Variants in CDKL5 observed in about 807,000 individuals in gnomAD.
CDKL5 encodes the protein cyclin-dependent kinase-like 5.
Under a neutral mutation model 61.7 loss-of-function variants are expected in CDKL5, and 8 were observed. The observed-to-expected ratio is 0.13, with a 90% CI of 0.08 to 0.23. The LOEUF (loss-of-function observed/expected upper bound fraction) is 0.23. Among genes scored for constraint, CDKL5 ranks in the 10% least tolerant of loss-of-function variants. The probability of loss-of-function intolerance (pLI) is 1.00; values close to 1 mark genes in which losing one functional copy is unlikely to be tolerated. For synonymous variants in CDKL5, 275 were observed against 272.3 expected (o/e 1.01, Z -0.10); for missense variants, 440 against 734.5 (o/e 0.60, Z 4.63).
At chrX:18,442,396 C>T (rs1040713054) in intron 1 of CDKL5, 3 of 112,174 alleles carry the variant, frequency 2.7e-5, no homozygotes, top group African/African-American at 9.7e-5. Context: ...AACAGGCGAG[C>T]ACATGGTCGT....
At chrX:18,500,112 G>A (rs1922329127) in intron 1 of CDKL5, among the ~76,000 whole-genome samples, 1 of 111,478 alleles carries the variant, frequency 9.0e-6, no homozygotes, top group African/African-American at 3.3e-5. Context: ...GGCTTCAAGT[G>A]AGTGGTGATT....
rs964666191 is a variant in CDKL5, at chrX:18,494,797, ATC to A, written c.-162-12136_-162-12135del. 2.7e-5 allele frequency among the ~76,000 whole-genome samples: 3 copies of A among 112,348 alleles called. No homozygotes were observed. The Admixed American group carries it at 2.8e-4, about 11-fold the overall frequency. On this transcript the variant is annotated intron_variant, in intron 1 of 17. Transcript: ENST00000623535. ...TGTGTATAACTCATGATAATCAAAT[ATC>A]TGTTTGATTTAATAAGGGGGGACTG...
At chrX:18,507,440 T>G (rs941656071) in intron 2 of CDKL5, among the ~76,000 whole-genome samples, 2 of 107,786 alleles carry the variant, frequency 1.9e-5, no homozygotes, top group Non-Finnish European at 3.9e-5. Context: ...AGTCTTTGCC[T>G]TCATTCTTTT....
At chrX:18,519,730 T>C (rs1162680674) in intron 3 of CDKL5, among the ~76,000 whole-genome samples, 2 of 112,024 alleles carry the variant, frequency 1.8e-5, no homozygotes, top group Non-Finnish European at 3.8e-5. Context: ...ACAGTCCTCA[T>C]TGAGATTGTG....
chrX:18,476,248 CTGTGT>C (rs1472972411), intron 1 of CDKL5, among the ~76,000 whole-genome samples: 1 of 111,449 alleles, frequency 9.0e-6, no homozygotes, highest in African/African-American at 3.3e-5. Flanking sequence ...GGGGGTTTCA[CTGTGT>C]TGCCCAGGCT....
intron 7 of CDKL5, 49 bp from the exon 8 acceptor site, chrX:18,584,214 T>A: frequency 1.2e-6 from 1 of 849,005 alleles, no homozygotes; most frequent in Non-Finnish European, 1.8e-6. Flanking sequence ...CCCACATGAA[T>A]TATTATTTCT....
chrX:18,430,698 G>C (rs1895615368), intron 1 of CDKL5, among the ~76,000 whole-genome samples: 1 of 110,440 alleles, frequency 9.1e-6, no homozygotes, highest in Non-Finnish European at 1.9e-5. Context: ...CCCCGCTTCA[G>C]CCTCCCAAAG....
At chrX:18,455,623 C>A (rs1932123728) in intron 1 of CDKL5, among the ~76,000 whole-genome samples, 1 of 112,958 alleles carries the variant, frequency 8.9e-6, no homozygotes, top group South Asian at 3.6e-4. Context: ...TATGGCACTT[C>A]AGTGCACAGT....
At chrX:18,556,882 C>CAAA (rs67362338) in intron 3 of CDKL5, among the ~76,000 whole-genome samples, 479 of 43,942 alleles carry the variant, frequency 0.011, 24 homozygotes, top group African/African-American at 0.035. Context: ...GACTCCGTCT[C>CAAA]AAAAAAAAAA....
rs188738788 is a variant in CDKL5, at chrX:18,615,121, T to G, written c.2276+1846T>G. On this transcript the variant is annotated intron_variant, in intron 15 of 17. Transcript: ENST00000623535. ...CTTTAGTTGAGTCTTCATCAGGTCA[T>G]CCTTATTCTAGTATTGCTGTTATGA... Among the ~76,000 whole-genome samples, 6 of 112,301 alleles carry G rather than the reference T, an allele frequency of 5.3e-5. No individual in the cohort carries two copies. The East Asian group carries it at 1.7e-3, about 32-fold the overall frequency.
At chrX:18,591,207 A>C (rs1925817696) in intron 9 of CDKL5, among the ~76,000 whole-genome samples, 2 of 111,497 alleles carry the variant, frequency 1.8e-5, no homozygotes, top group Non-Finnish European at 3.8e-5. Flanking sequence ...GTATGGAATT[A>C]TTTTGTCTGT....
At position 18,610,558 on chromosome X, in the gene CDKL5, G is replaced by A. The variant is rs1333154665; in HGVS notation, c.2152+988G>A. Reference sequence around the variant, plus strand: ...TTCTCATTGACTAGTACACTGCCTCGCACAGTTTCATAAATATTTGTCAAT... The same window carrying A: ...TTCTCATTGACTAGTACACTGCCTCACACAGTTTCATAAATATTTGTCAAT... On this transcript the variant is annotated intron_variant, in intron 14 of 17. Coordinates refer to ENST00000623535, the MANE Select transcript of CDKL5 (RefSeq NM_001323289.2). Among the ~76,000 whole-genome samples, 4 of 112,313 alleles carry A rather than the reference G, an allele frequency of 3.6e-5. No homozygotes were observed. The East Asian group carries it at 1.1e-3, about 31-fold the overall frequency.
chrX:18,552,459 C>T (rs1267149776), intron 3 of CDKL5, among the ~76,000 whole-genome samples: 1 of 111,701 alleles, frequency 9.0e-6, no homozygotes, highest in Non-Finnish European at 1.9e-5. Flanking sequence ...ACATTGGCAA[C>T]ACAATACAGT....
chrX:18,489,827 G>T (rs765658317), intron 1 of CDKL5, among the ~76,000 whole-genome samples: 3 of 110,182 alleles, frequency 2.7e-5, no homozygotes, highest in Admixed American at 1.9e-4. Context: ...GAGGCGGGAG[G>T]ATCACTGGAG....
chrX:18,467,373 C>A (rs1221108089), intron 1 of CDKL5, among the ~76,000 whole-genome samples: 3 of 111,452 alleles, frequency 2.7e-5, no homozygotes, highest in Admixed American at 1.9e-4. Context: ...GTTATATAAA[C>A]TGCATGCTTT....
Position 18,604,451 on chromosome X carries a change from G to A in CDKL5, c.1527G>A (p.Ala509=), listed in dbSNP as rs369561849. The A allele has an allele frequency of 5.3e-5, 64 of 1,209,724 alleles. No homozygotes were observed. The highest frequency in any genetic ancestry group is 1.2e-4 in the African/African-American group (7 of 57,129). The change falls in exon 12 of 18, where the codon GCG becomes GCA. Residue 509 remains alanine, a synonymous_variant. Coordinates refer to ENST00000623535, the MANE Select transcript of CDKL5 (RefSeq NM_001323289.2). The stretch of plus-strand genomic sequence containing the variant: ...TTTCTGAAGCCAGGGCCCAAATTGC[G>A]GAGCCCAGTACCAGTAGGTACTTCC... ...SNLSEARAQI[A]EPSTSRYFPS...
intron 1 of CDKL5, among the ~76,000 whole-genome samples, chrX:18,484,829 C>A (rs1054468899): frequency 9.1e-6 from 1 of 109,402 alleles, no homozygotes; most frequent in African/African-American, 3.3e-5. Flanking sequence ...CAGGATCTCT[C>A]CTCACAGCAG....
In CDKL5 at chrX:18,630,005, G is replaced by A; in HGVS notation, c.*1248G>A. On this transcript the variant is annotated 3_prime_UTR_variant, in exon 18 of 18. Coordinates refer to ENST00000623535, the MANE Select transcript of CDKL5 (RefSeq NM_001323289.2). ...ATTGTCCACTGTCCCGGAGACTCTT[G>A]GCTGATGGGGTGTGAGATATATGTG... 1 of 754,043 alleles carries A rather than the reference G, an allele frequency of 1.3e-6. No individual in the cohort carries two copies. The highest frequency in any genetic ancestry group is 1.6e-6 in the Non-Finnish European group (1 of 639,269). The allele number at this position is 754,043 out of a possible 1,213,427, so 62.1% of individuals were successfully genotyped here.
intron 1 of CDKL5, among the ~76,000 whole-genome samples, chrX:18,430,335 T>C (rs1885398776): frequency 8.9e-6 from 1 of 112,422 alleles, no homozygotes; most frequent in Admixed American, 9.5e-5. Context: ...GGCTTAGATA[T>C]ACCCTTGAAG....
Sources: gnomAD v4.1 joint callset for allele counts (sites outside exome capture counted in the v4.1 genomes callset) on GRCh38, gnomAD v4.1.1 for gene constraint, MANE v1.5 for transcripts, NCBI Gene and HGNC (gene_info 2026-07-23, HGNC 2026-07-21) for gene names.